The following TENM3 variants were observed in gnomAD, a reference collection of about 807,000 sequenced individuals.
TENM3 encodes teneurin-3.
A neutral mutation model predicts 255.1 loss-of-function variants in TENM3; 63 were observed. The ratio of observed to expected loss-of-function variants is 0.25; its 90% CI spans 0.20 to 0.30. The LOEUF is 0.30. Among genes scored for constraint, TENM3 ranks in the 10% least tolerant of loss-of-function variants. TENM3 has a pLI of 1.00. For synonymous variants in TENM3, 1,306 were observed against 1,322.3 expected (o/e 0.99, Z 0.27); for missense variants, 2,929 against 3,461.1 (o/e 0.85, Z 3.86).
the TENM3 span, among the ~76,000 whole-genome samples, chr4:181,641,679 T>G: frequency 1.2e-5 from 1 of 86,362 alleles, no homozygotes; most frequent in Admixed American, 1.7e-4. Flanking sequence ...TATATATATA[T>G]AAAATATATA....
chr4:182,692,661 G>A (rs1201711012), intron 12 of TENM3, among the ~76,000 whole-genome samples: 1 of 152,166 alleles, frequency 6.6e-6, no homozygotes, highest in Non-Finnish European at 1.5e-5. Context: ...ATAAATGTTT[G>A]TTAGATATAA....
intron 6 of TENM3, among the ~76,000 whole-genome samples, chr4:182,659,710 C>T (rs151150202): frequency 7.7e-4 from 118 of 152,292 alleles, no homozygotes; most frequent in African/African-American, 2.6e-3. Context: ...TCTATCTGCG[C>T]TGTATGTCTC....
At chr4:182,173,555 G>A (rs1013117825) in intron 1 of TENM3, among the ~76,000 whole-genome samples, 3 of 152,176 alleles carry the variant, frequency 2.0e-5, no homozygotes, top group African/African-American at 4.8e-5. Context: ...AAAGTATCAA[G>A]GTCAGGTGCA....
chr4:181,842,297 T>C, the TENM3 span, among the ~76,000 whole-genome samples: 99 of 152,302 alleles, frequency 6.5e-4, 1 homozygote, highest in African/African-American at 1.9e-3. Context: ...GTTACTCTTT[T>C]ACCAGTGGTC....
chr4:181,526,070 A>G, the TENM3 span, among the ~76,000 whole-genome samples: 2 of 152,206 alleles, frequency 1.3e-5, no homozygotes, highest in South Asian at 2.1e-4. Context: ...CACTAGCAGT[A>G]TGACTCTAAC....
At chr4:181,652,971 G>T in the TENM3 span, among the ~76,000 whole-genome samples, 1 of 152,022 alleles carries the variant, frequency 6.6e-6, no homozygotes, top group Non-Finnish European at 1.5e-5. Context: ...TTGGATTGTT[G>T]GAAATAGCAA....
At chr4:181,759,724 A>ATGTGTGTGTGTGTGTG in the TENM3 span, among the ~76,000 whole-genome samples, 2 of 146,510 alleles carry the variant, frequency 1.4e-5, no homozygotes, top group African/African-American at 2.5e-5. Flanking sequence ...CAATCAACAG[A>ATGTGTGTGTGTGTGTG]TGTGTGTGTG....
the TENM3 span, among the ~76,000 whole-genome samples, chr4:181,773,429 C>T: frequency 6.6e-6 from 1 of 152,198 alleles, no homozygotes; most frequent in Non-Finnish European, 1.5e-5. Context: ...ACAGGCCTAT[C>T]TGTGTATCAT....
At chr4:182,795,371 T>C (rs568490979) in intron 26 of TENM3, among the ~76,000 whole-genome samples, 44 of 152,150 alleles carry the variant, frequency 2.9e-4, no homozygotes, top group African/African-American at 1.1e-3. Context: ...TTTGGGAGAA[T>C]TTTCTCCCAA....
At chr4:182,672,913 T>TA in intron 6 of TENM3, 92 bp from the exon 7 acceptor site, 10 of 947,706 alleles carry the variant, frequency 1.1e-5, no homozygotes, top group Non-Finnish European at 1.4e-5. Context: ...GAGCATTTGG[T>TA]AAAAATAACT....
intron 6 of TENM3, among the ~76,000 whole-genome samples, chr4:182,669,274 G>GTTTTTT (rs1452004598): frequency 2.0e-5 from 3 of 151,614 alleles, no homozygotes; most frequent in Non-Finnish European, 4.4e-5. Flanking sequence ...CGTTTTTTTT[G>GTTTTTT]TTTTTGTTTT....
At chr4:182,374,915 T>C (rs920627351) in intron 3 of TENM3, among the ~76,000 whole-genome samples, 1 of 152,196 alleles carries the variant, frequency 6.6e-6, no homozygotes, top group Non-Finnish European at 1.5e-5. Context: ...TTCCATTCTT[T>C]CCTTGCAATT....
chr4:182,559,204 G>A (rs1161902072), intron 3 of TENM3, among the ~76,000 whole-genome samples: 7 of 130,126 alleles, frequency 5.4e-5, no homozygotes, highest in Admixed American at 1.9e-4. Flanking sequence ...TAGCGCTTAC[G>A]TTAACTGACA....
intron 3 of TENM3, among the ~76,000 whole-genome samples, chr4:182,377,611 G>A (rs1167691599): frequency 6.6e-6 from 1 of 152,058 alleles, no homozygotes; most frequent in Non-Finnish European, 1.5e-5. Flanking sequence ...ACCACGCCCG[G>A]CTCCACAATT....
intron 3 of TENM3, among the ~76,000 whole-genome samples, chr4:182,499,030 G>C (rs1235081441): frequency 6.6e-6 from 1 of 152,158 alleles, no homozygotes; most frequent in Admixed American, 6.5e-5. Context: ...ACTTGGAGGT[G>C]CTCAGTAGTA....
At chr4:181,479,762 A>G in the TENM3 span, among the ~76,000 whole-genome samples, 2 of 152,200 alleles carry the variant, frequency 1.3e-5, no homozygotes, top group African/African-American at 4.8e-5. Context: ...TTATAAAAAG[A>G]TTGAAATGTA....
the TENM3 span, among the ~76,000 whole-genome samples, chr4:181,568,431 A>G: frequency 6.6e-6 from 1 of 151,984 alleles, no homozygotes; most frequent in African/African-American, 2.4e-5. Flanking sequence ...ACCTCAGATG[A>G]TCCACCCCTC....
intron 24 of TENM3, among the ~76,000 whole-genome samples, chr4:182,787,549 C>T (rs1332758611): frequency 1.3e-5 from 2 of 152,130 alleles, no homozygotes; most frequent in East Asian, 3.9e-4. Context: ...GCCTGGCCAA[C>T]ATGGTGAAAC....
the TENM3 span, among the ~76,000 whole-genome samples, chr4:181,575,364 C>A: frequency 0.65 from 98,674 of 151,926 alleles, 32,465 homozygotes; most frequent in African/African-American, 0.76. Flanking sequence ...ATCTAAAATG[C>A]AATAAACAGA....
Sources: allele counts gnomAD v4.1 joint callset (sites outside exome capture counted in the v4.1 genomes callset), GRCh38; gene constraint gnomAD v4.1.1; transcripts MANE v1.5; gene names NCBI Gene and HGNC (gene_info 2026-07-23, HGNC 2026-07-21).